The following LTA4H variants were observed in gnomAD, a reference collection of about 807,000 sequenced individuals.
LTA4H encodes the protein leukotriene A-4 hydrolase.
LTA4H carries 59 observed loss-of-function variants against 89.8 expected under a neutral mutation model. The ratio of observed to expected loss-of-function variants is 0.66; its 90% CI spans 0.53 to 0.82. The LOEUF (loss-of-function observed/expected upper bound fraction) is 0.82, where lower values mean the gene tolerates loss of function less well. Among genes scored for constraint, LTA4H ranks in the 40% least tolerant of loss-of-function variants. The probability of loss-of-function intolerance (pLI) is 0.00; values close to 1 mark genes in which losing one functional copy is unlikely to be tolerated. For synonymous variants in LTA4H, 227 were observed against 253.1 expected (o/e 0.90, Z 0.98); for missense variants, 617 against 727.0 (o/e 0.85, Z 1.74).
intron 11 of LTA4H, 101 bp from the exon 12 acceptor site, chr12:96,015,100 T>C (rs964982878): frequency 2.8e-6 from 3 of 1,070,802 alleles, no homozygotes; most frequent in Non-Finnish European, 4.0e-6. Context: ...GGTGTAACTT[T>C]AGGGGAATCT....
At position 96,006,244 on chromosome 12, in the gene LTA4H, A is replaced by G. The variant is rs577108631; in HGVS notation, c.1530+70T>C. On this transcript the variant is annotated intron_variant, in intron 16 of 18. Transcript: ENST00000228740. ...TTTCCACATTAATAATCTTTTGCCAAGTTGGGTAGAACATAAATGCTGTGC... is the reference window on the plus strand; with the variant it reads ...TTTCCACATTAATAATCTTTTGCCAGGTTGGGTAGAACATAAATGCTGTGC... 6.6e-4 allele frequency: 575 copies of G among 874,964 alleles called. 2 individuals are homozygous for G. The highest frequency in any genetic ancestry group is 2.5e-3 in the Middle Eastern group (11 of 4,328). 54.2% of individuals were successfully genotyped at this position (874,964 alleles called of 1,614,324 possible).
chr12:96,026,847 A>G (rs1950518558), intron 3 of LTA4H, among the ~76,000 whole-genome samples: 1 of 152,240 alleles, frequency 6.6e-6, no homozygotes, highest in East Asian at 1.9e-4. Flanking sequence ...GAAATGTATT[A>G]TCCTTGTGAC....
rs554425186 is a variant in LTA4H at position 96,042,096 on chromosome 12, C to T, written c.87+1193G>A. On this transcript the variant is annotated intron_variant, in intron 1 of 17. Transcript: ENST00000413268. The stretch of plus-strand genomic sequence containing the variant: ...CCTCCTGGGCGCAAGTGATCCTCCA[C>T]CTGAGCCTTCTGAGTAGCTGGGACC... Among the ~76,000 whole-genome samples, 5 of 149,620 alleles carry T rather than the reference C, an allele frequency of 3.3e-5. 1 individual carries two copies. The South Asian group carries it at 8.5e-4, about 25-fold the overall frequency.
In LTA4H at chr12:96,035,559, A is replaced by C. The variant is rs2136924626; in HGVS notation, c.-40T>G. The C allele has an allele frequency of 6.4e-7, 1 of 1,556,580 alleles. No individual in the cohort carries two copies. The highest frequency in any genetic ancestry group is 2.3e-5 in the East Asian group (1 of 42,708). The stretch of plus-strand genomic sequence containing the variant: ...ACACAGCACAGCGACCTACAGCCCA[A>C]CGCTCAGCTACCAGACTCGTCGATA... On this transcript the variant is annotated 5_prime_UTR_variant, in exon 1 of 19. Coordinates refer to ENST00000228740, the MANE Select transcript of LTA4H (RefSeq NM_000895.3).
At chr12:96,003,759 C>T (rs1242604404) in intron 17 of LTA4H, 79 bp downstream of exon 17, 9 of 918,922 alleles carry the variant, frequency 9.8e-6, no homozygotes, top group South Asian at 1.5e-5. Flanking sequence ...ATGTCTCATA[C>T]TCTGCATTCC....
intron 3 of LTA4H, among the ~76,000 whole-genome samples, chr12:96,027,199 G>T (rs1361146566): frequency 6.6e-6 from 1 of 152,100 alleles, no homozygotes; most frequent in Non-Finnish European, 1.5e-5. Context: ...GGCCTAGAGA[G>T]TCCAATCTAG....
At chr12:96,014,834 C>A in intron 12 of LTA4H, 21 bp downstream of exon 12, 1 of 1,577,708 alleles carries the variant, frequency 6.3e-7, no homozygotes, top group Non-Finnish European at 8.6e-7. Flanking sequence ...AAAAAAAAAT[C>A]ATAAAATACC....
upstream of LTA4H, among the ~76,000 whole-genome samples, chr12:96,039,714 T>G (rs906788197): frequency 6.6e-6 from 1 of 152,214 alleles, no homozygotes; most frequent in African/African-American, 2.4e-5. Flanking sequence ...CAAAGATATG[T>G]TTTGAAATGC....
chr12:96,038,186 G>T (rs768402395), upstream of LTA4H, among the ~76,000 whole-genome samples: 1 of 152,032 alleles, frequency 6.6e-6, no homozygotes, highest in Non-Finnish European at 1.5e-5. Context: ...TGCTGGTATG[G>T]TTCAATTCTC....
chr12:96,027,437 T>C lies in LTA4H; in HGVS notation c.411+7A>G, dbSNP rs1198210849. On this transcript the variant is annotated splice_region_variant and intron_variant, in intron 3 of 18. Transcript: ENST00000228740. The stretch of plus-strand genomic sequence containing the variant: ...TGCATCAGAAATCATTCTGGAATCC[T>C]TTTTACCTGGCACTGACTAAAGAGA... 2 of 1,570,926 alleles carry C rather than the reference T, an allele frequency of 1.3e-6. No individual in the cohort carries two copies. Among genetic ancestry groups the C allele is most frequent in the East Asian group, 2.3e-5 (1 of 43,264 alleles).
upstream of LTA4H, among the ~76,000 whole-genome samples, chr12:96,037,788 G>C (rs545169857): frequency 6.7e-6 from 1 of 148,644 alleles, no homozygotes; most frequent in African/African-American, 2.5e-5. Context: ...CGCCTCCCGG[G>C]TTCACACCGT....
At position 96,035,278 on chromosome 12, in the gene LTA4H, G is replaced by A. The variant is rs1329633289; in HGVS notation, c.159+83C>T. On this transcript the variant is annotated intron_variant, in intron 1 of 18. Coordinates refer to ENST00000228740, the MANE Select transcript of LTA4H (RefSeq NM_000895.3). ...GGCAGGGGCCGCGGCGGGGTGAGCC[G>A]GAGATCCGGGAGCCCGCAAGGACTA... is the stretch of plus-strand genomic sequence containing the variant. 7.1e-6 allele frequency: 10 copies of A among 1,414,900 alleles called. No homozygotes were observed. The Admixed American group carries it at 9.3e-5, about 13-fold the overall frequency. The allele number at this position is 1,414,900 out of a possible 1,614,324, so 87.6% of individuals were successfully genotyped here. A position where few individuals can be genotyped will look rare whatever the true frequency, so the allele number is the denominator to read the frequency against.
intron 6 of LTA4H, among the ~76,000 whole-genome samples, chr12:96,020,470 A>G (rs1566011845): frequency 6.6e-6 from 1 of 152,206 alleles, no homozygotes; most frequent in African/African-American, 2.4e-5. Flanking sequence ...GTTACCAAGG[A>G]CTGGGCGGTG....
At position 96,015,609 on chromosome 12, in the gene LTA4H, C is replaced by T; in HGVS notation, c.1033G>A (p.Gly345Arg). The part of the protein sequence containing the change: ...GEKFRHFNAL[G>R]GWGELQNSVK... ...GAATTCTGTAGTTCTCCCCATCCTC[C>T]CAGAGCATTAAAATGTCTGAACTTT... The change falls in exon 11 of 19, where the codon GGA (glycine) becomes AGA (arginine). Residue 345 changes from glycine to arginine, a missense_variant. Physicochemically the swap from Gly to Arg is moderately radical, Grantham distance 125. Around this residue, in one of 3 missense-constraint regions of LTA4H, gnomAD observed 290 missense variants for 339.1 expected, o/e 0.86. Coordinates refer to ENST00000228740, the MANE Select transcript of LTA4H (RefSeq NM_000895.3). 6.2e-7 allele frequency: 1 copy of T among 1,613,832 alleles called. No homozygotes were observed. Among genetic ancestry groups the T allele is most frequent in the Non-Finnish European group, 8.5e-7 (1 of 1,179,754 alleles).
At chr12:96,032,881 A>C (rs1240232846) in intron 1 of LTA4H, among the ~76,000 whole-genome samples, 2 of 152,170 alleles carry the variant, frequency 1.3e-5, no homozygotes, top group African/African-American at 4.8e-5. Context: ...ACAGAGATAA[A>C]GTTTTTATTC....
At chr12:96,007,769 C>G (rs1592869200) in intron 15 of LTA4H, among the ~76,000 whole-genome samples, 1 of 152,126 alleles carries the variant, frequency 6.6e-6, no homozygotes. Context: ...ACCAAATAAG[C>G]TGGAATACAT....
In LTA4H at chr12:96,006,321, A is replaced by G; in HGVS notation, c.1523T>C (p.Leu508Pro). The G allele has an allele frequency of 6.2e-7, 1 of 1,603,702 alleles. No homozygotes were observed. Among genetic ancestry groups the G allele is most frequent in the Non-Finnish European group, 8.5e-7 (1 of 1,172,648 alleles). Reference protein sequence around the residue: ...HQLNEFLAQTLQRAPLPLGHI... With the variant: ...HQLNEFLAQTPQRAPLPLGHI... ...TTTTGAGCTAGTACTTACCCTCTGG[A>G]GCGTCTGTGCTAAAAACTCATTCAA... The change falls in exon 16 of 19, where the codon CTC becomes CCC. Residue 508 changes from leucine to proline, a missense_variant. Coordinates refer to ENST00000228740, the MANE Select transcript of LTA4H (RefSeq NM_000895.3).
In LTA4H at chr12:96,008,870, G is replaced by A. The variant is rs531465288; in HGVS notation, c.1434+224C>T. On this transcript the variant is annotated intron_variant, in intron 15 of 18. Transcript: ENST00000228740. Reference sequence around the variant, plus strand: ...GGAGGTTGAGGCTGCAATGAGCCATGATCACGCCACTGTAGTCCAGCCTGG... The same window carrying A: ...GGAGGTTGAGGCTGCAATGAGCCATAATCACGCCACTGTAGTCCAGCCTGG... 3.9e-5 allele frequency among the ~76,000 whole-genome samples: 6 copies of A among 151,912 alleles called. No homozygotes were observed. The East Asian group carries it at 1.2e-3, about 29-fold the overall frequency.
chr12:96,003,787 A>G (rs763785921), intron 17 of LTA4H, 51 bp downstream of exon 17: 1 of 1,258,570 alleles, frequency 7.9e-7, no homozygotes, highest in Non-Finnish European at 1.2e-6. Context: ...CATCTTTCAA[A>G]GGAGTTTAGT....
Sources: allele counts gnomAD v4.1 joint callset (sites outside exome capture counted in the v4.1 genomes callset), GRCh38; gene constraint gnomAD v4.1.1; regional missense constraint gnomAD v4.1.1; transcripts MANE v1.5; gene names NCBI Gene and HGNC (gene_info 2026-07-23, HGNC 2026-07-21).